The following CPA6 variants were observed in gnomAD, a reference collection of about 807,000 sequenced individuals.
CPA6 encodes carboxypeptidase A6.
A neutral mutation model predicts 63.3 loss-of-function variants in CPA6; 58 were observed. The observed-to-expected ratio is 0.92, with a 90% CI of 0.74 to 1.14. The LOEUF (loss-of-function observed/expected upper bound fraction) is 1.14, where lower values mean the gene tolerates loss of function less well. Among genes scored for constraint, CPA6 ranks in the 50% most tolerant of loss-of-function variants. The probability of loss-of-function intolerance (pLI) is 0.00; values close to 1 mark genes in which losing one functional copy is unlikely to be tolerated. For missense variants in CPA6, 565 were observed against 526.6 expected, an observed-to-expected ratio of 1.07 and a Z score of -0.71; for synonymous variants, 185 against 179.0, an observed-to-expected ratio of 1.03 and a Z score of -0.27.
intron 1 of CPA6, chr8:67,735,138 A>AT (rs1230326048): frequency 6.6e-6 from 1 of 152,044 alleles, no homozygotes; most frequent in East Asian, 1.9e-4. Context: ...ATATACTTGC[A>AT]TTTTCATTTG....
At chr8:67,549,364 G>A (rs940782271) in intron 2 of CPA6, among the ~76,000 whole-genome samples, 2 of 152,156 alleles carry the variant, frequency 1.3e-5, no homozygotes, top group African/African-American at 4.8e-5. Context: ...AAACCACGTT[G>A]AGGTATGATT....
intron 8 of CPA6, among the ~76,000 whole-genome samples, chr8:67,481,967 T>C (rs963323364): frequency 5.3e-5 from 8 of 152,230 alleles, no homozygotes; most frequent in Non-Finnish European, 1.2e-4. Context: ...TGCAACTGCA[T>C]TTGACATAAT....
chr8:67,711,686 T>TACACAC (rs5892094), intron 1 of CPA6, among the ~76,000 whole-genome samples: 3,734 of 133,922 alleles, frequency 0.028, 97 homozygotes, highest in African/African-American at 0.076. Context: ...TATGCCTGTG[T>TACACAC]ACACACACAC....
chr8:67,669,691 G>A (rs978043818), intron 1 of CPA6, among the ~76,000 whole-genome samples: 1 of 152,088 alleles, frequency 6.6e-6, no homozygotes, highest in South Asian at 2.1e-4. Flanking sequence ...TAACTTAGAA[G>A]GGCAGATCTT....
chr8:67,536,127 C>T (rs970185452), intron 2 of CPA6, among the ~76,000 whole-genome samples: 2 of 152,078 alleles, frequency 1.3e-5, no homozygotes, highest in African/African-American at 2.4e-5. Flanking sequence ...AGTCAGGTAG[C>T]GTGATGCCTC....
intron 2 of CPA6, among the ~76,000 whole-genome samples, chr8:67,540,178 G>GTT (rs562700519): frequency 6.8e-6 from 1 of 147,050 alleles, no homozygotes; most frequent in South Asian, 2.2e-4. Flanking sequence ...CCTTTGGATG[G>GTT]TTTTTTTTTT....
chr8:67,546,773 C>T (rs1812826395), intron 2 of CPA6, among the ~76,000 whole-genome samples: 2 of 152,118 alleles, frequency 1.3e-5, no homozygotes, highest in Admixed American at 6.6e-5. Flanking sequence ...CTCACCTCAG[C>T]CTTCCAAGTA....
chr8:67,711,017 A>G (rs1817249325), intron 1 of CPA6, among the ~76,000 whole-genome samples: 1 of 152,218 alleles, frequency 6.6e-6, no homozygotes, highest in South Asian at 2.1e-4. Context: ...CCATCTTTGC[A>G]TCTTGCTCAG....
intron 1 of CPA6, among the ~76,000 whole-genome samples, chr8:67,653,631 G>T (rs1587673374): frequency 2.6e-5 from 4 of 152,240 alleles, no homozygotes; most frequent in Admixed American, 2.6e-4. Flanking sequence ...ATCAGCTTAA[G>T]GAGATTTTGG....
intron 8 of CPA6, among the ~76,000 whole-genome samples, chr8:67,449,108 C>T (rs1810499001): frequency 6.6e-6 from 1 of 152,088 alleles, no homozygotes; most frequent in African/African-American, 2.4e-5. Context: ...AAAAATTAGC[C>T]AGGTGTGGCG....
chr8:67,518,023 T>C lies in CPA6; in HGVS notation c.217A>G (p.Ile73Val). The part of the protein sequence containing the change: ...LKVDLWQPSS[I>V]SYVSEGTVTD... ...ACTGTTCCCTCTGATACATAGGAGA[T>C]ACTGCTGGGCTGCCACAGGTCCACC... Residue 73 changes from isoleucine to valine, a missense_variant, in exon 3 of 11, where the codon ATC becomes GTC. Physicochemically the swap from Ile to Val is conservative, Grantham distance 29. Transcript: ENST00000297770. 6.2e-6 allele frequency: 10 copies of C among 1,607,076 alleles called. No individual in the cohort carries two copies. Among genetic ancestry groups the C allele is most frequent in the Non-Finnish European group, 7.6e-6 (9 of 1,177,420 alleles).
intron 8 of CPA6, among the ~76,000 whole-genome samples, chr8:67,456,288 T>G (rs1289821605): frequency 6.6e-6 from 1 of 152,222 alleles, no homozygotes; most frequent in African/African-American, 2.4e-5. Context: ...CTTTCTTCCC[T>G]GCTCAAGGTC....
chr8:67,529,980 GA>G (rs1812444877), intron 2 of CPA6, among the ~76,000 whole-genome samples: 1 of 152,096 alleles, frequency 6.6e-6, no homozygotes, highest in Non-Finnish European at 1.5e-5. Flanking sequence ...GAGTTTTGTG[GA>G]AATAGACATA....
intron 2 of CPA6, among the ~76,000 whole-genome samples, chr8:67,583,551 G>A (rs942405743): frequency 6.6e-6 from 1 of 151,984 alleles, no homozygotes; most frequent in East Asian, 1.9e-4. Context: ...GTCTGTAGGG[G>A]GTGTTTTAGT....
chr8:67,437,119 G>C (rs1040213715), intron 8 of CPA6, among the ~76,000 whole-genome samples: 9 of 152,236 alleles, frequency 5.9e-5, no homozygotes, highest in African/African-American at 2.2e-4. Flanking sequence ...AGCTGGGCCA[G>C]GCGTGGTGGC....
chr8:67,439,593 A>AT (rs1303305105), intron 8 of CPA6, among the ~76,000 whole-genome samples: 1 of 151,796 alleles, frequency 6.6e-6, no homozygotes, highest in African/African-American at 2.4e-5. Context: ...CGGTCTCAAA[A>AT]AAAAAAAAGA....
At chr8:67,644,211 C>G (rs553060257) in intron 1 of CPA6, among the ~76,000 whole-genome samples, 2 of 152,030 alleles carry the variant, frequency 1.3e-5, no homozygotes, top group Non-Finnish European at 2.9e-5. Flanking sequence ...CTCCGCCTCC[C>G]GGGTTCACGC....
At chr8:67,470,386 T>A (rs1328101336) in intron 8 of CPA6, among the ~76,000 whole-genome samples, 1 of 152,184 alleles carries the variant, frequency 6.6e-6, no homozygotes, top group Non-Finnish European at 1.5e-5. Flanking sequence ...CCGAGAGATA[T>A]ATGCCATCCC....
intron 1 of CPA6, among the ~76,000 whole-genome samples, chr8:67,634,118 A>G (rs917533006): frequency 6.6e-6 from 1 of 150,924 alleles, no homozygotes; most frequent in Non-Finnish European, 1.5e-5. Flanking sequence ...CACTAGTGTT[A>G]AAAACACTTA....
Sources: allele counts gnomAD v4.1 joint callset (sites outside exome capture counted in the v4.1 genomes callset), GRCh38; gene constraint gnomAD v4.1.1; transcripts MANE v1.5; gene names NCBI Gene and HGNC (gene_info 2026-07-23, HGNC 2026-07-21).